Variants in LONP2 observed in about 807,000 individuals in gnomAD.
The protein encoded by LONP2 is lon protease homolog 2, peroxisomal.
LONP2 carries 60 observed loss-of-function variants against 85.6 expected under a neutral mutation model. The observed-to-expected ratio is 0.70, with a 90% confidence interval of 0.57 to 0.87. The LOEUF is 0.87. LONP2 is among the 40% of genes least tolerant of loss of function. LONP2 has a pLI of 0.00. For synonymous variants in LONP2, 395 were observed against 389.7 expected (o/e 1.01, Z -0.16); for missense variants, 860 against 1,063.5 (o/e 0.81, Z 2.66).
At chr16:48,247,041 A>G (rs1015933071) in intron 1 of LONP2, among the ~76,000 whole-genome samples, 3 of 152,300 alleles carry the variant, frequency 2.0e-5, no homozygotes, top group Admixed American at 6.5e-5. Context: ...ATTAGAAAAC[A>G]TATATTGAAA....
chr16:48,288,699 G>GAAAT (rs1972500565), intron 8 of LONP2, among the ~76,000 whole-genome samples: 1 of 151,958 alleles, frequency 6.6e-6, no homozygotes, highest in African/African-American at 2.4e-5. Flanking sequence ...TCTTATAAGG[G>GAAAT]TACCAATTGT....
chr16:48,349,053 T>C (rs1232498162), intron 14 of LONP2, among the ~76,000 whole-genome samples: 1 of 152,154 alleles, frequency 6.6e-6, no homozygotes, highest in East Asian at 1.9e-4. Context: ...TAACCATATC[T>C]AATGACTACA....
intron 11 of LONP2, among the ~76,000 whole-genome samples, chr16:48,309,144 A>G (rs1002778259): frequency 1.2e-4 from 18 of 152,298 alleles, no homozygotes; most frequent in South Asian, 2.1e-4. Context: ...AGTCAAAAGT[A>G]ACAGATGTTG....
intron 12 of LONP2, among the ~76,000 whole-genome samples, chr16:48,342,200 G>A (rs929561027): frequency 6.6e-6 from 1 of 152,156 alleles, no homozygotes; most frequent in African/African-American, 2.4e-5. Context: ...TGACCATGGT[G>A]TATGAAAAGC....
At chr16:48,359,721 A>G (rs1427856903), downstream of LONP2, among the ~76,000 whole-genome samples, 1 of 152,200 alleles carries the variant, frequency 6.6e-6, no homozygotes, top group African/African-American at 2.4e-5. Context: ...CGTCTCAAAA[A>G]AAAAAAGCTC....
chr16:48,320,084 T>TG (rs1040912699), intron 11 of LONP2, among the ~76,000 whole-genome samples: 11 of 139,988 alleles, frequency 7.9e-5, no homozygotes, highest in Middle Eastern at 8.3e-3. Context: ...CGCTTGAACT[T>TG]GGGGGGCGGA....
rs150981618 is a variant in LONP2, at chr16:48,244,380, G to T, written c.-9G>T. On this transcript the variant is annotated 5_prime_UTR_variant, in exon 1 of 15. Transcript: ENST00000285737. ...TTTTTGACAGCCCCCAGTGCGAAAG[G>T]CTGCCAGCATGTCATCAGTGAGCCC... 18,881 of 1,531,284 alleles carry T rather than the reference G, an allele frequency of 0.012. 138 individuals are homozygous for T. Among genetic ancestry groups the T allele is most frequent in the Middle Eastern group, 0.017 (99 of 5,846 alleles). The allele number at this position is 1,531,284 out of a possible 1,614,324, so 94.9% of individuals were successfully genotyped here.
At chr16:48,275,649 T>C (rs1972192473) in intron 7 of LONP2, among the ~76,000 whole-genome samples, 1 of 152,094 alleles carries the variant, frequency 6.6e-6, no homozygotes, top group African/African-American at 2.4e-5. Flanking sequence ...CACCATATTT[T>C]TAAGAAAGGT....
At chr16:48,292,167 C>T (rs1015568888) in intron 8 of LONP2, among the ~76,000 whole-genome samples, 1 of 152,088 alleles carries the variant, frequency 6.6e-6, no homozygotes, top group Non-Finnish European at 1.5e-5. Flanking sequence ...ATAAATATAG[C>T]GTACAGGAAG....
downstream of LONP2, among the ~76,000 whole-genome samples, chr16:48,358,185 C>CTGT (rs1164740067): frequency 6.6e-6 from 1 of 152,160 alleles, no homozygotes; most frequent in African/African-American, 2.4e-5. Context: ...AGCTTATTAA[C>CTGT]TGTTAAACAC....
intron 2 of LONP2, among the ~76,000 whole-genome samples, chr16:48,255,160 C>T (rs965763569): frequency 3.9e-5 from 6 of 152,146 alleles, no homozygotes; most frequent in Admixed American, 1.3e-4. Flanking sequence ...AAATCTCAGT[C>T]GCATAATGTG....
chr16:48,266,060 G>A (rs1470125908), intron 6 of LONP2, among the ~76,000 whole-genome samples: 1 of 152,050 alleles, frequency 6.6e-6, no homozygotes, highest in Non-Finnish European at 1.5e-5. Context: ...CTGGAGTGCA[G>A]TGGCATGATC....
chr16:48,255,856 ATGTGGAACTG>A (rs1971748598), intron 2 of LONP2, among the ~76,000 whole-genome samples: 1 of 152,134 alleles, frequency 6.6e-6, no homozygotes, highest in South Asian at 2.1e-4. Flanking sequence ...CTCCCCAGCC[ATGTGGAACTG>A]TGAGTCCATT....
At chr16:48,252,910 A>G (rs1042374527) in intron 2 of LONP2, among the ~76,000 whole-genome samples, 4 of 152,202 alleles carry the variant, frequency 2.6e-5, no homozygotes, top group Non-Finnish European at 5.9e-5. Context: ...TCTAGATAGA[A>G]CAGAAAGCTC....
At chr16:48,251,004 A>G (rs536557509) in intron 1 of LONP2, among the ~76,000 whole-genome samples, 46 of 152,248 alleles carry the variant, frequency 3.0e-4, no homozygotes, top group Non-Finnish European at 5.0e-4. Flanking sequence ...ACTGAAAGGT[A>G]AGAAAAGGAT....
At chr16:48,276,140 A>G (rs1328945176) in intron 7 of LONP2, among the ~76,000 whole-genome samples, 3 of 152,218 alleles carry the variant, frequency 2.0e-5, no homozygotes, top group East Asian at 1.9e-4. Flanking sequence ...TCTTTCCTGT[A>G]TCTGATTCTG....
At chr16:48,294,176 A>G (rs1458713241) in intron 8 of LONP2, among the ~76,000 whole-genome samples, 1 of 152,076 alleles carries the variant, frequency 6.6e-6, no homozygotes, top group African/African-American at 2.4e-5. Flanking sequence ...CCTGACCTCA[A>G]CTGATCTGCC....
intron 11 of LONP2, among the ~76,000 whole-genome samples, chr16:48,317,113 T>C (rs574248933): frequency 3.2e-4 from 49 of 152,296 alleles, no homozygotes; most frequent in African/African-American, 1.2e-3. Context: ...GGGTGACCCT[T>C]ACTTCTAGAG....
chr16:48,331,071 A>G (rs978881678), intron 11 of LONP2, among the ~76,000 whole-genome samples: 2 of 152,248 alleles, frequency 1.3e-5, no homozygotes, highest in Non-Finnish European at 2.9e-5. Context: ...AAAGCTTGTC[A>G]CAAAGCACCA....
Sources: gnomAD v4.1 joint callset for allele counts (sites outside exome capture counted in the v4.1 genomes callset) on GRCh38, gnomAD v4.1.1 for gene constraint, MANE v1.5 for transcripts, NCBI Gene and HGNC (gene_info 2026-07-23, HGNC 2026-07-21) for gene names.